Variants in ENOSF1 observed in about 807,000 individuals in gnomAD.
The protein encoded by ENOSF1 is mitochondrial enolase superfamily member 1.
ENOSF1 carries 73 observed loss-of-function variants against 68.2 expected under a neutral mutation model. That is an observed-to-expected ratio of 1.07 (90% CI 0.89 to 1.30). ENOSF1 has a LOEUF of 1.30. Ranked by LOEUF, ENOSF1 falls within the 50% of genes most tolerant of loss-of-function variation. The pLI, the probability that ENOSF1 is intolerant of heterozygous loss-of-function variation, is 0.00. For synonymous variants in ENOSF1, 223 were observed against 210.4 expected (o/e 1.06, Z -0.52); for missense variants, 589 against 554.5 (o/e 1.06, Z -0.62).
In ENOSF1 at chr18:692,634, GAA is replaced by G. The variant is rs755548875; in HGVS notation, c.423+1246_423+1247del. 5.3e-5 allele frequency: 17 copies of G among 319,910 alleles called. No homozygotes were observed. In the East Asian group the frequency reaches 7.7e-4, roughly 15 times the overall value. 19.8% of individuals were successfully genotyped at this position (319,910 alleles called of 1,614,324 possible). A position where few individuals can be genotyped will look rare whatever the true frequency, so the allele number is the denominator to read the frequency against. Reference sequence around the variant, plus strand: ...AAGAAAGAAAGAAAAAAAGAAAAAAGAAAAGAGTACTGGCATTGAAAGGGAAC... The same window carrying G: ...AAGAAAGAAAGAAAAAAAGAAAAAAGAAGAGTACTGGCATTGAAAGGGAAC... On this transcript the variant is annotated intron_variant, in intron 5 of 15. Coordinates refer to ENST00000647584, the MANE Select transcript of ENOSF1 (RefSeq NM_017512.7).
At chr18:683,199 C>T (rs2076256983) in intron 11 of ENOSF1, 47 bp downstream of exon 11, 2 of 1,609,578 alleles carry the variant, frequency 1.2e-6, no homozygotes, top group Non-Finnish European at 1.7e-6. Context: ...CTCTGGAAAA[C>T]TAAACAGAAA....
chr18:671,785 C>CTTTTT lies in ENOSF1; in HGVS notation c.*2515_*2519dup, dbSNP rs58489074. The CTTTTT allele has an allele frequency of 4.1e-6, 1 of 242,776 alleles. No homozygotes were observed. The highest frequency in any genetic ancestry group is 7.9e-6 in the Non-Finnish European group (1 of 127,372). 15.0% of individuals were successfully genotyped at this position (242,776 alleles called of 1,614,324 possible). On this transcript the variant is annotated 3_prime_UTR_variant, in exon 16 of 16. Transcript: ENST00000647584. ...TTGAAGTGCAAATGTTTTTCCTTTT[C>CTTTTT]TTTTTTTTTTGAGATGGAGTCTTTC...
In ENOSF1 at chr18:677,429, TG is replaced by T. The variant is rs1568015979; in HGVS notation, c.1063del (p.His355MetfsTer14). ...TTCACAGAGGCCAACTCCACCAGCATGGGGGCAAACAGGAACTAAAAGGAAA... is the reference window on the plus strand; with the variant it reads ...TTCACAGAGGCCAACTCCACCAGCATGGGGCAAACAGGAACTAAAAGGAAA... Reference protein sequence around the residue: ...AKKFEIPVCPHAGGVGLCELV... With the variant: ...AKKFEIPVCPXAGGVGLCELV... On this transcript the variant is annotated frameshift_variant, in exon 14 of 16. Coordinates refer to ENST00000647584, the MANE Select transcript of ENOSF1 (RefSeq NM_017512.7). LOFTEE classifies it high-confidence loss of function. 1 of 1,613,274 alleles carries T rather than the reference TG, an allele frequency of 6.2e-7. No homozygotes were observed. Among genetic ancestry groups the T allele is most frequent in the South Asian group, 1.1e-5 (1 of 90,932 alleles).
chr18:678,655 C>A (rs2075761704), intron 12 of ENOSF1, 41 bp downstream of exon 12: 4 of 1,608,968 alleles, frequency 2.5e-6, no homozygotes, highest in Admixed American at 1.7e-5. Context: ...CGTGTACTGA[C>A]CCCAAGGGGA....
intron 2 of ENOSF1, among the ~76,000 whole-genome samples, chr18:703,360 T>C (rs2078581025): frequency 7.1e-6 from 1 of 141,642 alleles, no homozygotes; most frequent in Non-Finnish European, 1.5e-5. Context: ...TCTGGGCTGT[T>C]AACAGAGAGT....
At chr18:669,210 A>ATACTC (rs1264867829), downstream of ENOSF1, 7 of 1,572,914 alleles carry the variant, frequency 4.5e-6, no homozygotes, top group African/African-American at 9.5e-5. Flanking sequence ...TATACTAACC[A>ATACTC]TACTCTTAGA....
chr18:706,623 A>C, intron 1 of ENOSF1, 45 bp from the exon 2 acceptor site: 1 of 1,413,224 alleles, frequency 7.1e-7, no homozygotes, highest in Non-Finnish European at 1.0e-6. Context: ...AGTGTGAGAA[A>C]CCCGAAAAGA....
Position 674,134 on chromosome 18 carries a change from T to C in ENOSF1, c.*171A>G. 2 of 577,884 alleles carry C rather than the reference T, an allele frequency of 3.5e-6. No individual in the cohort carries two copies. The highest frequency in any genetic ancestry group is 6.1e-6 in the Non-Finnish European group (2 of 326,904). 35.8% of individuals were successfully genotyped at this position (577,884 alleles called of 1,614,324 possible). On this transcript the variant is annotated 3_prime_UTR_variant, in exon 16 of 16. Coordinates refer to ENST00000647584, the MANE Select transcript of ENOSF1 (RefSeq NM_017512.7). Reference sequence around the variant, plus strand: ...ATTAAGTAGGATAACGTGCATTGATTTGCTAAAAGAATCAAGTAATAATTA... The same window carrying C: ...ATTAAGTAGGATAACGTGCATTGATCTGCTAAAAGAATCAAGTAATAATTA...
intron 1 of ENOSF1, among the ~76,000 whole-genome samples, chr18:707,842 AAAT>A (rs2079093121): frequency 8.0e-6 from 1 of 124,716 alleles, no homozygotes; most frequent in South Asian, 2.5e-4. Context: ...CACCACAAGT[AAAT>A]AATGTTTTAT....
Position 683,278 on chromosome 18 carries a change from CA to C in ENOSF1, c.843del (p.Asp282MetfsTer16), listed in dbSNP as rs758899593. The C allele has an allele frequency of 3.1e-6, 5 of 1,614,052 alleles. No homozygotes were observed. Among genetic ancestry groups the C allele is most frequent in the Middle Eastern group, 1.6e-4 (1 of 6,084 alleles). On this transcript the variant is annotated frameshift_variant, in exon 11 of 16. Coordinates refer to ENST00000647584, the MANE Select transcript of ENOSF1 (RefSeq NM_017512.7). LOFTEE classifies it high-confidence loss of function. Reference sequence around the variant, plus strand: ...ATGGTGGCGTGCCCCAGAATGTCATCAGGGGAGGTTGGCTCCTCAATCCACA... The same window carrying C: ...ATGGTGGCGTGCCCCAGAATGTCATCGGGGAGGTTGGCTCCTCAATCCACA... ...KPLWIEEPTS[P>X]DDILGHATIS...
chr18:666,394 G>C (rs942408730), downstream of ENOSF1, among the ~76,000 whole-genome samples: 1 of 152,128 alleles, frequency 6.6e-6, no homozygotes, highest in African/African-American at 2.4e-5. Context: ...TCCACTCCCA[G>C]CTCTGCAGAG....
rs761429478 is a variant in ENOSF1, at chr18:675,407, G to C, written c.1149-5C>G. The C allele has an allele frequency of 1.9e-6, 3 of 1,611,750 alleles. No individual in the cohort carries two copies. The South Asian group carries it at 3.3e-5, about 18-fold the overall frequency. On this transcript the variant is annotated splice_polypyrimidine_tract_variant and splice_region_variant and intron_variant, in intron 14 of 15. Transcript: ENST00000647584. ...TGGTCAACATACTCACACACCCTAG[G>C]AGGAGGGAATCAGATCGGGGCAATG...
At position 670,632 on chromosome 18, in the gene ENOSF1, C is replaced by T. The variant is rs749803779; in HGVS notation, c.*3673G>A. On this transcript the variant is annotated 3_prime_UTR_variant, in exon 16 of 16. Coordinates refer to ENST00000647584, the MANE Select transcript of ENOSF1 (RefSeq NM_017512.7). The stretch of plus-strand genomic sequence containing the variant: ...TCTGTTTCTCTCCTGTTTTACTTTG[C>T]CTTTAGCTGTGGTCTTTCAAACCAC... 2.2e-4 allele frequency: 351 copies of T among 1,579,784 alleles called. 1 individual carries two copies. Among genetic ancestry groups the T allele is most frequent in the Non-Finnish European group, 2.9e-4 (334 of 1,157,546 alleles).
the ENOSF1 span, among the ~76,000 whole-genome samples, chr18:664,191 A>C: frequency 1.7e-3 from 264 of 151,910 alleles, 1 homozygote; most frequent in Non-Finnish European, 9.9e-4. Context: ...CTTTTATTTC[A>C]TTGAGCAGTG....
Position 705,657 on chromosome 18 carries a change from C to T in ENOSF1, c.193+813G>A, listed in dbSNP as rs978199842. On this transcript the variant is annotated intron_variant, in intron 2 of 15. Transcript: ENST00000647584. ...CCCAAGGGAGACCTCCGAGATTGGG[C>T]GGGGCCAAAGCCCTTTTCGCCATGA... is the stretch of plus-strand genomic sequence containing the variant. Among the ~76,000 whole-genome samples, 4 of 152,216 alleles carry T rather than the reference C, an allele frequency of 2.6e-5. No individual in the cohort carries two copies. In the South Asian group the frequency reaches 6.2e-4, roughly 24 times the overall value.
rs554604804 is a variant in ENOSF1 at position 693,355 on chromosome 18, T to C, written c.423+527A>G. 5.1e-5 allele frequency: 61 copies of C among 1,193,990 alleles called. 1 individual carries two copies. In the South Asian group the frequency reaches 9.4e-4, roughly 18 times the overall value. The allele number at this position is 1,193,990 out of a possible 1,614,324, so 74.0% of individuals were successfully genotyped here. ...TTCTTTTTTTGAGACAGGGTCTTGC[T>C]CTGTCACCTGAGTGCAGTGGTGCAA... On this transcript the variant is annotated intron_variant, in intron 5 of 15. Transcript: ENST00000647584.
downstream of ENOSF1, among the ~76,000 whole-genome samples, chr18:667,035 AGATGGT>A (rs1163107238): frequency 2.9e-4 from 3 of 10,334 alleles, no homozygotes; most frequent in Non-Finnish European, 5.2e-4. Flanking sequence ...ATGGTGATGG[AGATGGT>A]GATGGTGATG....
At chr18:694,826 ATGT>A (rs2077557699) in intron 3 of ENOSF1, among the ~76,000 whole-genome samples, 1 of 152,056 alleles carries the variant, frequency 6.6e-6, no homozygotes, top group African/African-American at 2.4e-5. Context: ...CTCTATATAT[ATGT>A]TAAGTATATG....
chr18:694,426 A>C lies in ENOSF1; in HGVS notation c.310-92T>G, dbSNP rs941868398. The C allele has an allele frequency of 3.4e-6, 4 of 1,173,668 alleles. No homozygotes were observed. The African/African-American group carries it at 6.1e-5, about 18-fold the overall frequency. The allele number at this position is 1,173,668 out of a possible 1,614,324, so 72.7% of individuals were successfully genotyped here. On this transcript the variant is annotated intron_variant, in intron 3 of 15. Transcript: ENST00000647584. Reference sequence around the variant, plus strand: ...ATGCCTGTAAACCCAGGACTTTGGGACCAAGACCAGCCTGGCCAACATGGT... The same window carrying C: ...ATGCCTGTAAACCCAGGACTTTGGGCCCAAGACCAGCCTGGCCAACATGGT...
Sources: allele counts gnomAD v4.1 joint callset (sites outside exome capture counted in the v4.1 genomes callset), GRCh38; gene constraint gnomAD v4.1.1; transcripts MANE v1.5; gene names NCBI Gene and HGNC (gene_info 2026-07-23, HGNC 2026-07-21).